Variants in FSTL4 observed in about 807,000 individuals in gnomAD.
FSTL4 encodes the protein follistatin like 4, also known as follistatin-related protein 4.
FSTL4 carries 28 observed loss-of-function variants against 78.2 expected under a neutral mutation model. That is an observed-to-expected ratio of 0.36 (90% CI 0.27 to 0.49). FSTL4 has a LOEUF of 0.49. FSTL4 is among the 20% of genes least tolerant of loss of function. The pLI, the probability that FSTL4 is intolerant of heterozygous loss-of-function variation, is 0.98. For synonymous variants in FSTL4, 422 were observed against 440.5 expected (o/e 0.96, Z 0.53); for missense variants, 922 against 1,084.9 (o/e 0.85, Z 2.11).
the FSTL4 span, among the ~76,000 whole-genome samples, chr5:133,622,875 G>A: frequency 6.6e-6 from 1 of 152,032 alleles, no homozygotes; most frequent in Non-Finnish European, 1.5e-5. Context: ...CACTTAACGG[G>A]TCTTCTGCAG....
intron 4 of FSTL4, among the ~76,000 whole-genome samples, chr5:133,331,459 C>T (rs569659864): frequency 2.0e-5 from 3 of 152,244 alleles, no homozygotes; most frequent in African/African-American, 7.2e-5. Context: ...AAGGAACTCC[C>T]CAAATGTTAA....
At chr5:133,389,282 C>T (rs573266096) in intron 4 of FSTL4, among the ~76,000 whole-genome samples, 2 of 152,318 alleles carry the variant, frequency 1.3e-5, no homozygotes, top group African/African-American at 4.8e-5. Flanking sequence ...CCTCTGTTTA[C>T]TCTCACTGCA....
chr5:133,753,733 G>T, the FSTL4 span, among the ~76,000 whole-genome samples: 3 of 135,102 alleles, frequency 2.2e-5, no homozygotes, highest in Non-Finnish European at 3.3e-5. Flanking sequence ...GTGTGTAGTG[G>T]CAGGGAAGGT....
the FSTL4 span, among the ~76,000 whole-genome samples, chr5:133,773,920 A>G: frequency 2.6e-5 from 4 of 152,220 alleles, no homozygotes; most frequent in Non-Finnish European, 5.9e-5. Flanking sequence ...GATCATCTGT[A>G]GCATTACGAT....
intron 6 of FSTL4, among the ~76,000 whole-genome samples, chr5:133,276,419 C>G (rs1345713596): frequency 6.6e-6 from 1 of 152,200 alleles, no homozygotes; most frequent in East Asian, 1.9e-4. Flanking sequence ...CCCTACATTC[C>G]TTTGTCTTGG....
the FSTL4 span, among the ~76,000 whole-genome samples, chr5:133,695,300 G>A: frequency 6.6e-6 from 1 of 152,128 alleles, no homozygotes; most frequent in African/African-American, 2.4e-5. Context: ...TGCATACCAG[G>A]TTCTGGCTCA....
At position 133,486,104 on chromosome 5, in the gene FSTL4, C is replaced by T. The variant is rs189432076; in HGVS notation, c.160+81082G>A. Among the ~76,000 whole-genome samples the T allele has an allele frequency of 2.6e-5, 4 of 152,108 alleles. No individual in the cohort carries two copies. In the East Asian group the frequency reaches 7.7e-4, roughly 29 times the overall value. On this transcript the variant is annotated intron_variant, in intron 3 of 15. Transcript: ENST00000265342. ...ATGCGACCATCGGTAAAAACACGGG[C>T]TCATGGAGGAGAATAAGCAAGGTGT...
the FSTL4 span, among the ~76,000 whole-genome samples, chr5:133,790,510 T>TA: frequency 6.6e-6 from 1 of 152,188 alleles, no homozygotes; most frequent in Non-Finnish European, 1.5e-5. Flanking sequence ...CAGCCCCTCT[T>TA]ACGGTTTTAA....
At position 133,582,772 on chromosome 5, in the gene FSTL4, C is replaced by G. The variant is rs548408618; in HGVS notation, c.127-15553G>C. Among the ~76,000 whole-genome samples the G allele has an allele frequency of 3.3e-5, 5 of 152,282 alleles. No individual in the cohort carries two copies. In the East Asian group the frequency reaches 9.7e-4, roughly 29 times the overall value. ...TCATTTGTTCCAACCCACTTGAATGCCAGGATGCCTTCCACTTGGTCTTCT... is the reference window on the plus strand; with the variant it reads ...TCATTTGTTCCAACCCACTTGAATGGCAGGATGCCTTCCACTTGGTCTTCT... On this transcript the variant is annotated intron_variant, in intron 2 of 15. Coordinates refer to ENST00000265342, the MANE Select transcript of FSTL4 (RefSeq NM_015082.2).
chr5:133,571,515 T>C (rs1203151126), intron 2 of FSTL4, among the ~76,000 whole-genome samples: 3 of 152,222 alleles, frequency 2.0e-5, no homozygotes, highest in Non-Finnish European at 4.4e-5. Context: ...CTATGGCTAA[T>C]ATGTTTAGGA....
At chr5:133,680,878 G>T in the FSTL4 span, among the ~76,000 whole-genome samples, 1 of 152,228 alleles carries the variant, frequency 6.6e-6, no homozygotes, top group African/African-American at 2.4e-5. Context: ...TGAGGAAATT[G>T]GAGCTCAGAG....
intron 2 of FSTL4, among the ~76,000 whole-genome samples, chr5:133,597,863 A>G (rs71585590): frequency 0.12 from 17,890 of 152,154 alleles, 1,276 homozygotes; most frequent in African/African-American, 0.2. Context: ...GGTGGTAAGC[A>G]AGAAGTGAGT....
chr5:133,567,427 A>T (rs1050449422), intron 2 of FSTL4, among the ~76,000 whole-genome samples: 1 of 152,232 alleles, frequency 6.6e-6, no homozygotes, highest in African/African-American at 2.4e-5. Context: ...TTAGGCAAAA[A>T]AAATCCTGTT....
At chr5:133,811,715 C>A in the FSTL4 span, among the ~76,000 whole-genome samples, 1 of 152,206 alleles carries the variant, frequency 6.6e-6, no homozygotes, top group African/African-American at 2.4e-5. Context: ...TATGGGAAGG[C>A]CCTAAAGCCT....
chr5:133,640,529 C>G, the FSTL4 span, among the ~76,000 whole-genome samples: 1 of 152,146 alleles, frequency 6.6e-6, no homozygotes, highest in Non-Finnish European at 1.5e-5. Context: ...CTGAGACCTG[C>G]TAACAGGGTG....
the FSTL4 span, among the ~76,000 whole-genome samples, chr5:133,751,333 G>A: frequency 6.6e-6 from 1 of 152,220 alleles, no homozygotes; most frequent in African/African-American, 2.4e-5. Context: ...GGCAGTGCAC[G>A]TTCATCAAAG....
intron 3 of FSTL4, among the ~76,000 whole-genome samples, chr5:133,556,580 A>C (rs535921318): frequency 3.3e-5 from 5 of 152,152 alleles, no homozygotes; most frequent in Non-Finnish European, 7.4e-5. Context: ...TACAAAAATT[A>C]TCTGGGCGTG....
the FSTL4 span, among the ~76,000 whole-genome samples, chr5:133,733,182 T>A: frequency 1.3e-5 from 2 of 152,246 alleles, no homozygotes; most frequent in Non-Finnish European, 2.9e-5. Flanking sequence ...TTGTCTTCAC[T>A]CACATGTAAA....
intron 3 of FSTL4, among the ~76,000 whole-genome samples, chr5:133,417,267 T>C (rs758538018): frequency 1.3e-5 from 2 of 151,468 alleles, no homozygotes; most frequent in East Asian, 1.9e-4. Context: ...TGACTGGACA[T>C]AGCAGAAAAA....
Sources: gnomAD v4.1 joint callset for allele counts (sites outside exome capture counted in the v4.1 genomes callset) on GRCh38, gnomAD v4.1.1 for gene constraint, MANE v1.5 for transcripts, NCBI Gene and HGNC (gene_info 2026-07-23, HGNC 2026-07-21) for gene names.